FRAS1: variants seen among roughly 807,000 people sequenced by gnomAD.
FRAS1 encodes extracellular matrix organizing protein FRAS1.
In FRAS1, 290 loss-of-function variants were observed where a neutral mutation model predicts 435.2. The observed-to-expected ratio is 0.67, with a 90% CI of 0.61 to 0.73. The LOEUF (loss-of-function observed/expected upper bound fraction) is 0.73, where lower values mean the gene tolerates loss of function less well. Ranked by LOEUF, FRAS1 falls within the 30% of genes least tolerant of loss-of-function variation. The pLI, the probability that FRAS1 is intolerant of heterozygous loss-of-function variation, is 0.00. For missense variants in FRAS1, 4,860 were observed against 5,001.5 expected, an observed-to-expected ratio of 0.97 and a Z score of 0.85; for synonymous variants, 1,800 against 1,851.0, an observed-to-expected ratio of 0.97 and a Z score of 0.71.
intron 20 of FRAS1, among the ~76,000 whole-genome samples, chr4:78,347,680 A>G (rs571477153): frequency 9.2e-5 from 14 of 152,160 alleles, no homozygotes; most frequent in African/African-American, 2.7e-4. Flanking sequence ...CTCAAGTTCA[A>G]GTTCCTCTTA....
intron 2 of FRAS1, among the ~76,000 whole-genome samples, chr4:78,168,380 T>G (rs1445222087): frequency 6.6e-6 from 1 of 151,290 alleles, no homozygotes; most frequent in Non-Finnish European, 1.5e-5. Context: ...ACAAAAGATG[T>G]TTTTTTTTGT....
chr4:78,511,136 C>G, intron 63 of FRAS1, 138 bp from the exon 64 acceptor site: 2 of 714,880 alleles, frequency 2.8e-6, no homozygotes, highest in Non-Finnish European at 2.3e-6. Context: ...TCAATAATTA[C>G]GTGATGAATG....
chr4:78,426,993 G>A (rs1326231615), intron 35 of FRAS1, among the ~76,000 whole-genome samples: 2 of 152,076 alleles, frequency 1.3e-5, no homozygotes, highest in Admixed American at 1.3e-4. Context: ...GTAAAATAAG[G>A]ATGTTGAAAG....
At chr4:78,251,352 A>G (rs1478640747) in intron 4 of FRAS1, among the ~76,000 whole-genome samples, 2 of 152,258 alleles carry the variant, frequency 1.3e-5, no homozygotes, top group African/African-American at 4.8e-5. Context: ...TGCAATAGAA[A>G]TGGGAGAAGT....
At position 78,499,801 on chromosome 4, in the gene FRAS1, A is replaced by C. The variant is rs1446662865; in HGVS notation, c.9196A>C (p.Lys3066Gln). Reference protein sequence around the residue: ...GPDAIAILNIKVIRRGDQNRT... With the variant: ...GPDAIAILNIQVIRRGDQNRT... ...AGATGCCATTGCGATTCTGAACATCAAGGTGATCCGCAGAGGGGATCAGAA... is the reference window on the plus strand; with the variant it reads ...AGATGCCATTGCGATTCTGAACATCCAGGTGATCCGCAGAGGGGATCAGAA... Residue 3066 changes from lysine to glutamine, a missense_variant, in exon 61 of 74, where the codon AAG (lysine) becomes CAG (glutamine). Lys to Gln is a moderately conservative substitution (Grantham distance 53). Coordinates refer to ENST00000512123, the MANE Select transcript of FRAS1 (RefSeq NM_025074.7). 1 of 1,613,912 alleles carries C rather than the reference A, an allele frequency of 6.2e-7. No homozygotes were observed. The highest frequency in any genetic ancestry group is 2.2e-5 in the East Asian group (1 of 44,876).
chr4:78,221,167 AAAT>A (rs754334994), intron 2 of FRAS1, among the ~76,000 whole-genome samples: 9 of 152,142 alleles, frequency 5.9e-5, no homozygotes, highest in Non-Finnish European at 1.2e-4. Flanking sequence ...GACTCTCTCA[AAAT>A]AATAATAATA....
chr4:78,279,924 C>G (rs1048388433), intron 10 of FRAS1, among the ~76,000 whole-genome samples: 1 of 152,162 alleles, frequency 6.6e-6, no homozygotes, highest in African/African-American at 2.4e-5. Context: ...TCAGTTGAAA[C>G]AAATTTCTGT....
intron 27 of FRAS1, among the ~76,000 whole-genome samples, chr4:78,382,187 T>C (rs933287561): frequency 6.6e-6 from 1 of 152,184 alleles, no homozygotes; most frequent in Admixed American, 6.5e-5. Context: ...GGAACCTCAG[T>C]GCCACCAAAA....
chr4:78,431,279 T>G (rs62308078), intron 37 of FRAS1, among the ~76,000 whole-genome samples: 47,653 of 152,150 alleles, frequency 0.31, 8,494 homozygotes, highest in Admixed American at 0.4. Context: ...AGAAATGTCA[T>G]TAGAATAGAT....
At chr4:78,131,012 A>AT (rs1053504614) in intron 2 of FRAS1, among the ~76,000 whole-genome samples, 19 of 152,276 alleles carry the variant, frequency 1.2e-4, no homozygotes, top group African/African-American at 4.6e-4. Flanking sequence ...TGGTTCTGAT[A>AT]TTTTCTGACT....
At chr4:78,437,046 C>T (rs59815417) in intron 38 of FRAS1, among the ~76,000 whole-genome samples, 3,066 of 152,254 alleles carry the variant, frequency 0.02, 116 homozygotes, top group African/African-American at 0.07. Context: ...TTTTGTACCT[C>T]CAGTATCTGG....
chr4:78,424,286 C>A, intron 34 of FRAS1, 102 bp from the exon 35 acceptor site: 1 of 540,296 alleles, frequency 1.9e-6, no homozygotes. Context: ...TAGATTAAAA[C>A]ATTCTTTAGC....
chr4:78,232,707 A>T (rs1298051117), intron 2 of FRAS1, among the ~76,000 whole-genome samples: 2 of 152,240 alleles, frequency 1.3e-5, no homozygotes, highest in Non-Finnish European at 2.9e-5. Context: ...GACATCATTT[A>T]AACATTGTTT....
intron 2 of FRAS1, among the ~76,000 whole-genome samples, chr4:78,091,255 T>C (rs979238878): frequency 3.3e-5 from 5 of 152,152 alleles, no homozygotes; most frequent in African/African-American, 1.2e-4. Flanking sequence ...TCTTTTTTGG[T>C]ATTTCTTCTG....
At chr4:78,123,236 C>A (rs958736647) in intron 2 of FRAS1, among the ~76,000 whole-genome samples, 4 of 152,152 alleles carry the variant, frequency 2.6e-5, no homozygotes, top group East Asian at 1.9e-4. Flanking sequence ...AATAGGGAAT[C>A]TTTTCCCCAT....
At chr4:78,386,765 C>G (rs869350) in intron 28 of FRAS1, among the ~76,000 whole-genome samples, 36,838 of 151,904 alleles carry the variant, frequency 0.24, 4,839 homozygotes, top group Admixed American at 0.31. Flanking sequence ...ACCTGACAAT[C>G]CTAAGAAAAA....
At chr4:78,275,445 G>A in intron 9 of FRAS1, among the ~76,000 whole-genome samples, 1 of 152,154 alleles carries the variant, frequency 6.6e-6, no homozygotes, top group Admixed American at 6.5e-5. Flanking sequence ...TTTTGCAGTG[G>A]CTGGCACCGG....
At chr4:78,260,312 A>T (rs1460546708) in intron 6 of FRAS1, among the ~76,000 whole-genome samples, 7 of 151,968 alleles carry the variant, frequency 4.6e-5, no homozygotes, top group Admixed American at 2.6e-4. Context: ...CATTTTCACC[A>T]TATTGATTCT....
chr4:78,443,668 G>C (rs1250823621), intron 41 of FRAS1, among the ~76,000 whole-genome samples: 1 of 152,184 alleles, frequency 6.6e-6, no homozygotes, highest in Non-Finnish European at 1.5e-5. Context: ...GTTTAAGAAA[G>C]CAGGTAGCAC....
Sources: gnomAD v4.1 joint callset for allele counts (sites outside exome capture counted in the v4.1 genomes callset) on GRCh38, gnomAD v4.1.1 for gene constraint, MANE v1.5 for transcripts, NCBI Gene and HGNC (gene_info 2026-07-23, HGNC 2026-07-21) for gene names.